PARP8: variants seen among roughly 807,000 people sequenced by gnomAD.
PARP8 encodes protein mono-ADP-ribosyltransferase PARP8.
PARP8 carries 51 observed loss-of-function variants against 124.1 expected under a neutral mutation model. The ratio of observed to expected loss-of-function variants is 0.41; its 90% CI spans 0.33 to 0.52. The LOEUF (loss-of-function observed/expected upper bound fraction) is 0.52, where lower values mean the gene tolerates loss of function less well. PARP8 is among the 20% of genes least tolerant of loss of function. PARP8 has a pLI of 0.21. For missense variants in PARP8, 860 were observed against 1,018.9 expected (o/e 0.84, Z 2.12); for synonymous variants, 391 against 361.5 (o/e 1.08, Z -0.93).
intron 9 of PARP8, among the ~76,000 whole-genome samples, chr5:50,781,790 A>C (rs1740702610): frequency 6.6e-6 from 1 of 152,114 alleles, no homozygotes; most frequent in South Asian, 2.1e-4. Flanking sequence ...ACTCTGTTTC[A>C]GGTCTGTACA....
chr5:50,672,802 G>A (rs1750184017), intron 2 of PARP8, among the ~76,000 whole-genome samples: 1 of 152,116 alleles, frequency 6.6e-6, no homozygotes, highest in Non-Finnish European at 1.5e-5. Context: ...TTGCTAAAGG[G>A]CCTTTGTTTT....
At chr5:50,717,632 A>C (rs1309833144) in intron 2 of PARP8, among the ~76,000 whole-genome samples, 1 of 152,112 alleles carries the variant, frequency 6.6e-6, no homozygotes, top group East Asian at 1.9e-4. Flanking sequence ...GAATATTCCC[A>C]TAATTTAGAG....
chr5:50,699,252 G>C (rs922898620), intron 2 of PARP8, among the ~76,000 whole-genome samples: 18 of 152,284 alleles, frequency 1.2e-4, no homozygotes, highest in African/African-American at 4.1e-4. Flanking sequence ...AAATTGAGAA[G>C]GGCCTCCAGC....
rs968395316 is a variant in PARP8 at position 50,747,082 on chromosome 5, C to A, written c.147-3069C>A. On this transcript the variant is annotated intron_variant, in intron 2 of 25. Transcript: ENST00000281631. ...TTTGCTTTATGAAATAAAAATGTAT[C>A]AAACTTGGTCTGTTTACTAATCATA... is the stretch of plus-strand genomic sequence containing the variant. 8.8e-4 allele frequency among the ~76,000 whole-genome samples: 132 copies of A among 150,140 alleles called. 1 individual carries two copies. Among genetic ancestry groups the A allele is most frequent in the African/African-American group, 3.1e-3 (128 of 40,990 alleles).
chr5:50,832,886 T>C (rs375387944), intron 23 of PARP8, 32 bp downstream of exon 23: 2 of 1,594,696 alleles, frequency 1.3e-6, no homozygotes, highest in Non-Finnish European at 1.7e-6. Context: ...CTGCTTATGA[T>C]TAGTGAACTG....
chr5:50,680,428 GTC>G (rs904979744), intron 2 of PARP8, among the ~76,000 whole-genome samples: 1 of 151,988 alleles, frequency 6.6e-6, no homozygotes, highest in African/African-American at 2.4e-5. Context: ...CTGTCTATTT[GTC>G]TCTCTCAGTG....
chr5:50,834,861 T>C lies in PARP8; in HGVS notation c.2378-70T>C, dbSNP rs191072835. 3.1e-6 allele frequency: 4 copies of C among 1,282,246 alleles called. No homozygotes were observed. In the African/African-American group the frequency reaches 4.4e-5, roughly 14 times the overall value. 79.4% of individuals were successfully genotyped at this position (1,282,246 alleles called of 1,614,324 possible). ...CTTTAGATTTCAACGAGAAGAGATA[T>C]ATTAAGTCGGAATGGACTAGGATTC... On this transcript the variant is annotated intron_variant, in intron 24 of 25. Coordinates refer to ENST00000281631, the MANE Select transcript of PARP8 (RefSeq NM_024615.4).
At chr5:50,738,211 A>G (rs1757671560) in intron 2 of PARP8, among the ~76,000 whole-genome samples, 1 of 152,242 alleles carries the variant, frequency 6.6e-6, no homozygotes, top group African/African-American at 2.4e-5. Flanking sequence ...AGTGCCTGTG[A>G]AGGCCTGAAA....
At chr5:50,683,101 C>T (rs991374677) in intron 2 of PARP8, among the ~76,000 whole-genome samples, 4 of 152,028 alleles carry the variant, frequency 2.6e-5, no homozygotes, top group Admixed American at 2.0e-4. Context: ...CATCATGAAG[C>T]GAGTGAGATG....
chr5:50,828,333 G>T lies in PARP8; in HGVS notation c.2112G>T (p.Trp704Cys). 6.2e-7 allele frequency: 1 copy of T among 1,613,450 alleles called. No homozygotes were observed. Among genetic ancestry groups the T allele is most frequent in the Non-Finnish European group, 8.5e-7 (1 of 1,179,728 alleles). ...FAFHGSHIEN[W>C]HSILRNGLVV... ...TTAGTGGCTCACACATTGAAAACTG[G>T]CACTCCATCCTGAGGAATGGTCTGG... is the stretch of plus-strand genomic sequence containing the variant. The change falls in exon 21 of 26, where the codon TGG becomes TGT. Residue 704 changes from tryptophan (W) to cysteine (C), a missense_variant. This residue lies in a region of PARP8 where 343 missense variants were observed against 474.7 expected (regional missense o/e 0.72). Coordinates refer to ENST00000281631, the MANE Select transcript of PARP8 (RefSeq NM_024615.4).
chr5:50,776,795 T>A (rs1580305755), intron 7 of PARP8, among the ~76,000 whole-genome samples: 1 of 152,182 alleles, frequency 6.6e-6, no homozygotes, highest in African/African-American at 2.4e-5. Context: ...GTGCCACAAT[T>A]ATGTATTATA....
chr5:50,757,622 C>A (rs1245233090), intron 3 of PARP8, among the ~76,000 whole-genome samples: 1 of 152,126 alleles, frequency 6.6e-6, no homozygotes, highest in African/African-American at 2.4e-5. Context: ...GAAAATGATA[C>A]GTTTGAAGGC....
At chr5:50,723,221 G>A (rs1350607040) in intron 2 of PARP8, among the ~76,000 whole-genome samples, 1 of 151,904 alleles carries the variant, frequency 6.6e-6, no homozygotes, top group Non-Finnish European at 1.5e-5. Context: ...TGTGTACATC[G>A]AAAGTCTCAT....
At chr5:50,837,269 G>T (rs1747688846) in intron 25 of PARP8, among the ~76,000 whole-genome samples, 1 of 152,086 alleles carries the variant, frequency 6.6e-6, no homozygotes, top group South Asian at 2.1e-4. Flanking sequence ...CCTCAGGAGA[G>T]AAGAGACTCA....
At chr5:50,835,895 T>G (rs1580513166) in intron 25 of PARP8, among the ~76,000 whole-genome samples, 2 of 152,164 alleles carry the variant, frequency 1.3e-5, no homozygotes, top group South Asian at 2.1e-4. Context: ...CCAACCCGTT[T>G]CCCATGCTGT....
intron 2 of PARP8, among the ~76,000 whole-genome samples, chr5:50,730,724 C>A (rs565873148): frequency 3.3e-5 from 5 of 152,070 alleles, no homozygotes; most frequent in Non-Finnish European, 5.9e-5. Context: ...TATTGAAAAC[C>A]AGAGATTATT....
chr5:50,699,624 G>A (rs1753380270), intron 2 of PARP8, among the ~76,000 whole-genome samples: 3 of 152,036 alleles, frequency 2.0e-5, no homozygotes, highest in South Asian at 4.1e-4. Flanking sequence ...ATTATTTACA[G>A]CCATCTATAT....
chr5:50,739,350 A>G (rs908511448), intron 2 of PARP8, among the ~76,000 whole-genome samples: 2 of 150,324 alleles, frequency 1.3e-5, no homozygotes, highest in African/African-American at 2.5e-5. Context: ...TGTCCATTAC[A>G]GATTTATTCT....
chr5:50,796,243 A>G (rs1742537313), intron 12 of PARP8, among the ~76,000 whole-genome samples: 1 of 152,128 alleles, frequency 6.6e-6, no homozygotes. Flanking sequence ...ATGTGTAAAC[A>G]CTCAGCAAGA....
Sources: allele counts gnomAD v4.1 joint callset (sites outside exome capture counted in the v4.1 genomes callset), GRCh38; gene constraint gnomAD v4.1.1; regional missense constraint gnomAD v4.1.1; transcripts MANE v1.5; gene names NCBI Gene and HGNC (gene_info 2026-07-23, HGNC 2026-07-21).